Variants in LEPR observed in about 807,000 individuals in gnomAD.
The protein encoded by LEPR is OB receptor.
LEPR carries 56 observed loss-of-function variants against 114.7 expected under a neutral mutation model. The observed-to-expected ratio is 0.49, with a 90% CI of 0.39 to 0.61. LEPR has a LOEUF of 0.61. Among genes scored for constraint, LEPR ranks in the 20% least tolerant of loss-of-function variants. The probability of loss-of-function intolerance (pLI) is 0.00; values close to 1 mark genes in which losing one functional copy is unlikely to be tolerated. For missense variants in LEPR, 1,202 were observed against 1,352.9 expected (o/e 0.89, Z 1.75); for synonymous variants, 443 against 461.4 (o/e 0.96, Z 0.51).
In LEPR at chr1:65,461,444, AG is replaced by A. The variant is rs140341421; in HGVS notation, c.-21+36068del. ...CACACAACGATGGGGATATGTTAAA[AG>A]GAACTGTAGCCAGAGAAGGGTTCCT... On this transcript the variant is annotated intron_variant, in intron 2 of 19. Transcript: ENST00000349533. Among the ~76,000 whole-genome samples, 764 of 152,374 alleles carry A rather than the reference AG, an allele frequency of 5.0e-3. 8 individuals are homozygous for A. The highest frequency in any genetic ancestry group is 0.018 in the African/African-American group (736 of 41,588).
intron 2 of LEPR, among the ~76,000 whole-genome samples, chr1:65,502,793 T>C (rs1265809646): frequency 1.3e-5 from 2 of 151,398 alleles, no homozygotes; most frequent in Non-Finnish European, 2.9e-5. Context: ...GGATTGTGTC[T>C]GACATGTTCA....
intron 2 of LEPR, among the ~76,000 whole-genome samples, chr1:65,451,699 A>T (rs1053176056): frequency 6.6e-6 from 1 of 152,166 alleles, no homozygotes; most frequent in Non-Finnish European, 1.5e-5. Context: ...TATAGTTTGA[A>T]GTCAGGTAGA....
chr1:65,507,464 T>TATATATATATACACAC (rs1431906210), intron 2 of LEPR, among the ~76,000 whole-genome samples: 1 of 148,762 alleles, frequency 6.7e-6, no homozygotes, highest in Admixed American at 6.8e-5. Context: ...TGTGTGTATA[T>TATATATATATACACAC]ATATATATAC....
chr1:65,454,340 T>G lies in LEPR; in HGVS notation c.-21+28962T>G, dbSNP rs1432221030. 2.0e-5 allele frequency among the ~76,000 whole-genome samples: 3 copies of G among 152,264 alleles called. No individual in the cohort carries two copies. In the East Asian group the frequency reaches 5.8e-4, roughly 29 times the overall value. Reference sequence around the variant, plus strand: ...TCCTGTCATTATGATGTTAGCTGGTTCTTTTGCTCGTTAGTTCATGCAGTT... The same window carrying G: ...TCCTGTCATTATGATGTTAGCTGGTGCTTTTGCTCGTTAGTTCATGCAGTT... On this transcript the variant is annotated intron_variant, in intron 2 of 19. Transcript: ENST00000349533.
Position 65,617,720 on chromosome 1 carries a change from T to C in LEPR, c.2213-244T>C, listed in dbSNP as rs185251313. Among the ~76,000 whole-genome samples, 220 of 152,306 alleles carry C rather than the reference T, an allele frequency of 1.4e-3. 1 individual carries two copies. The highest frequency in any genetic ancestry group is 4.9e-3 in the African/African-American group (205 of 41,576). On this transcript the variant is annotated intron_variant, in intron 15 of 19. Transcript: ENST00000349533. ...ATATGAGAATGCCTTTTTGAATATA[T>C]CAAAAAATTGCTTTTTAAGGTTTTA...
intron 10 of LEPR, among the ~76,000 whole-genome samples, chr1:65,604,488 A>T (rs749980397): frequency 1.7e-4 from 26 of 151,916 alleles, no homozygotes; most frequent in Non-Finnish European, 3.2e-4. Context: ...AGGACTACAG[A>T]TGTGCATTTG....
chr1:65,572,140 T>C (rs1046254766), intron 4 of LEPR, among the ~76,000 whole-genome samples, 186 bp from the exon 5 acceptor site: 2 of 151,862 alleles, frequency 1.3e-5, no homozygotes, highest in African/African-American at 4.8e-5. Flanking sequence ...CCAGAGGGAC[T>C]AAGTGATGGG....
At chr1:65,557,561 A>T (rs1190261270) in intron 2 of LEPR, among the ~76,000 whole-genome samples, 1 of 152,122 alleles carries the variant, frequency 6.6e-6, no homozygotes, top group Non-Finnish European at 1.5e-5. Flanking sequence ...CTGGGATTAC[A>T]GGAACACGCC....
At chr1:65,575,437 A>C (rs1338005582) in intron 5 of LEPR, among the ~76,000 whole-genome samples, 1 of 148,120 alleles carries the variant, frequency 6.8e-6, no homozygotes, top group African/African-American at 2.5e-5. Context: ...GCTTTCACTT[A>C]ATTAAGTGCA....
intron 2 of LEPR, chr1:65,494,269 T>C (rs1648033879): frequency 6.6e-6 from 1 of 152,172 alleles, no homozygotes; most frequent in Admixed American, 6.6e-5. Context: ...ACTTTCACAA[T>C]TGCTATTTAA....
At chr1:65,452,996 G>A (rs969575083) in intron 2 of LEPR, among the ~76,000 whole-genome samples, 4 of 152,128 alleles carry the variant, frequency 2.6e-5, no homozygotes, top group Non-Finnish European at 5.9e-5. Flanking sequence ...CTTCTTCCTG[G>A]TTTAGTCTTG....
chr1:65,452,774 C>G (rs1476403691), intron 2 of LEPR, among the ~76,000 whole-genome samples: 4 of 152,050 alleles, frequency 2.6e-5, no homozygotes, highest in Admixed American at 2.6e-4. Flanking sequence ...GCTTTGGTAT[C>G]AGGATGATGC....
intron 2 of LEPR, among the ~76,000 whole-genome samples, chr1:65,509,700 A>T (rs1648937518): frequency 6.6e-6 from 1 of 152,200 alleles, no homozygotes; most frequent in Non-Finnish European, 1.5e-5. Context: ...GTGAAAAGGA[A>T]TTAACACACA....
intron 19 of LEPR, chr1:65,634,937 G>C: frequency 1.2e-6 from 1 of 813,314 alleles, no homozygotes; most frequent in South Asian, 5.7e-5. Context: ...ATGAATAATA[G>C]GAAAGTTGTA....
chr1:65,546,152 A>G (rs1458551342), intron 2 of LEPR, among the ~76,000 whole-genome samples: 4 of 152,080 alleles, frequency 2.6e-5, no homozygotes, highest in African/African-American at 9.7e-5. Context: ...GCTCTGTTCT[A>G]TTCCATTGAT....
intron 2 of LEPR, among the ~76,000 whole-genome samples, chr1:65,443,365 G>A (rs1374586320): frequency 6.6e-6 from 1 of 151,770 alleles, no homozygotes; most frequent in African/African-American, 2.4e-5. Context: ...ACCTGCCTGA[G>A]CAACATAGCA....
At chr1:65,550,911 G>C (rs1158949144) in intron 2 of LEPR, among the ~76,000 whole-genome samples, 1 of 152,002 alleles carries the variant, frequency 6.6e-6, no homozygotes, top group South Asian at 2.1e-4. Context: ...CTTCTGCGTG[G>C]CTCACACTGG....
intron 14 of LEPR, among the ~76,000 whole-genome samples, chr1:65,613,473 G>GAACAACCCA (rs1553171717): frequency 7.0e-6 from 1 of 142,850 alleles, no homozygotes; most frequent in African/African-American, 2.5e-5. Flanking sequence ...TTCAACAGGG[G>GAACAACCCA]CCGGGCGCGG....
chr1:65,503,970 T>G (rs1424688563), intron 2 of LEPR, among the ~76,000 whole-genome samples: 1 of 152,006 alleles, frequency 6.6e-6, no homozygotes, highest in East Asian at 1.9e-4. Context: ...AAGCATACAA[T>G]ATAAGTCTGG....
Sources: allele counts gnomAD v4.1 joint callset (sites outside exome capture counted in the v4.1 genomes callset), GRCh38; gene constraint gnomAD v4.1.1; transcripts MANE v1.5; gene names NCBI Gene and HGNC (gene_info 2026-07-23, HGNC 2026-07-21).